Variants in STXBP4 observed in about 807,000 individuals in gnomAD.
STXBP4 encodes syntaxin-binding protein 4.
In STXBP4, 55 loss-of-function variants were observed where a neutral mutation model predicts 76.1. The ratio of observed to expected loss-of-function variants is 0.72; its 90% confidence interval spans 0.58 to 0.91. The LOEUF (loss-of-function observed/expected upper bound fraction) is 0.91. Ranked by LOEUF, STXBP4 falls within the 40% of genes least tolerant of loss-of-function variation. STXBP4 has a pLI of 0.00. For synonymous variants in STXBP4, 201 were observed against 220.2 expected (o/e 0.91, Z 0.77); for missense variants, 618 against 636.9 (o/e 0.97, Z 0.32).
intron 1 of STXBP4, among the ~76,000 whole-genome samples, chr17:54,976,385 C>A (rs2077474077): frequency 6.6e-6 from 1 of 152,220 alleles, no homozygotes. Flanking sequence ...GAAATTGATT[C>A]TCCCATTGTT....
At chr17:55,202,011 T>A in the STXBP4 span, among the ~76,000 whole-genome samples, 1 of 152,342 alleles carries the variant, frequency 6.6e-6, no homozygotes, top group South Asian at 2.1e-4. Flanking sequence ...CCTTTTCTCT[T>A]GTCCTTTATT....
intron 6 of STXBP4, 98 bp downstream of exon 6, chr17:54,999,940 A>G (rs1420219418): frequency 8.1e-6 from 7 of 862,870 alleles, no homozygotes; most frequent in East Asian, 2.8e-5. Flanking sequence ...TTTCAGTAAA[A>G]TTGTTAACAA....
the STXBP4 span, among the ~76,000 whole-genome samples, chr17:55,201,904 T>C: frequency 5.3e-5 from 8 of 152,242 alleles, no homozygotes; most frequent in Admixed American, 3.3e-4. Flanking sequence ...TACTTCATAA[T>C]GTTAAGAGTG....
chr17:55,107,064 A>G (rs2079643922), intron 16 of STXBP4, among the ~76,000 whole-genome samples: 2 of 152,196 alleles, frequency 1.3e-5, no homozygotes, highest in African/African-American at 4.8e-5. Flanking sequence ...TGTCACTTTC[A>G]GGTACACCAA....
chr17:54,992,419 A>G (rs2077732266), intron 4 of STXBP4, among the ~76,000 whole-genome samples: 3 of 151,876 alleles, frequency 2.0e-5, no homozygotes. Flanking sequence ...TGTCTCAAAA[A>G]AAAAAAAAAA....
At chr17:55,031,334 T>C in intron 9 of STXBP4, 70 bp downstream of exon 9, 2 of 1,217,324 alleles carry the variant, frequency 1.6e-6, no homozygotes, top group Non-Finnish European at 2.4e-6. Flanking sequence ...CACATTTTCA[T>C]TAAGAGTGTT....
chr17:55,092,973 GTTTTTTGT>G (rs1474974728), intron 16 of STXBP4, among the ~76,000 whole-genome samples: 1 of 75,112 alleles, frequency 1.3e-5, no homozygotes, highest in Admixed American at 1.2e-4. Context: ...CATTTTTTTT[GTTTTTTGT>G]TTTTTGTTTG....
Position 55,000,894 on chromosome 17 carries a change from A to T in STXBP4, c.574+11A>T, listed in dbSNP as rs1040372405. ...GTTTGTCTAATACAGGTAAATACAC[A>T]TTTAATTTCTATTTCCTGTTTTTTA... On this transcript the variant is annotated intron_variant, in intron 7 of 17. Coordinates refer to ENST00000376352, the MANE Select transcript of STXBP4 (RefSeq NM_178509.6). 3 of 1,517,408 alleles carry T rather than the reference A, an allele frequency of 2.0e-6. No homozygotes were observed. The highest frequency in any genetic ancestry group is 1.4e-5 in the African/African-American group (1 of 72,646). The allele number at this position is 1,517,408 out of a possible 1,614,324, so 94.0% of individuals were successfully genotyped here.
At chr17:55,113,635 A>C (rs917577758) in intron 16 of STXBP4, among the ~76,000 whole-genome samples, 2 of 147,124 alleles carry the variant, frequency 1.4e-5, no homozygotes, top group Non-Finnish European at 3.1e-5. Flanking sequence ...CTGCTGATAT[A>C]AAAAAAAAGT....
intron 8 of STXBP4, among the ~76,000 whole-genome samples, chr17:55,016,103 AC>A (rs772775292): frequency 2.0e-5 from 3 of 152,172 alleles, no homozygotes; most frequent in Non-Finnish European, 4.4e-5. Flanking sequence ...TGGAAAAAGA[AC>A]AGGGATGCCA....
At position 55,165,404 on chromosome 17, in the gene STXBP4, T is replaced by A. The variant is rs16955704; in HGVS notation, c.*5493T>A. 0.019 allele frequency: 2,871 copies of A among 152,302 alleles called. 71 individuals are homozygous for A. Among genetic ancestry groups the A allele is most frequent in the African/African-American group, 0.052 (2,180 of 41,560 alleles). 9.4% of individuals were successfully genotyped at this position (152,302 alleles called of 1,614,324 possible). A position where few individuals can be genotyped will look rare whatever the true frequency, so the allele number is the denominator to read the frequency against. On this transcript the variant is annotated 3_prime_UTR_variant, in exon 18 of 18. Transcript: ENST00000376352. Reference sequence around the variant, plus strand: ...CTAGAATGGAAATGATTATGTGGTATGTTTAGGCAGTGGGACCTTGGACAA... The same window carrying A: ...CTAGAATGGAAATGATTATGTGGTAAGTTTAGGCAGTGGGACCTTGGACAA...
At chr17:54,984,374 G>T (rs1460404414) in intron 1 of STXBP4, among the ~76,000 whole-genome samples, 1 of 135,070 alleles carries the variant, frequency 7.4e-6, no homozygotes, top group Non-Finnish European at 1.5e-5. Flanking sequence ...ACGGAGTCTG[G>T]CTCTGTCGCC....
chr17:54,976,619 G>T (rs2077478039), intron 1 of STXBP4, among the ~76,000 whole-genome samples: 1 of 152,180 alleles, frequency 6.6e-6, no homozygotes, highest in South Asian at 2.1e-4. Context: ...CGGCCAGACG[G>T]CAGGAGGTGA....
the STXBP4 span, among the ~76,000 whole-genome samples, chr17:55,197,888 G>A: frequency 3.9e-5 from 6 of 152,232 alleles, no homozygotes; most frequent in African/African-American, 1.2e-4. Flanking sequence ...TGTTACCGGG[G>A]CAGGGAGGGT....
intron 16 of STXBP4, among the ~76,000 whole-genome samples, chr17:55,135,819 CGTT>C (rs1158935031): frequency 3.9e-5 from 6 of 151,918 alleles, no homozygotes; most frequent in African/African-American, 1.4e-4. Flanking sequence ...CAAATTGAGA[CGTT>C]GGGAATCTAG....
In STXBP4 at chr17:55,161,178, A is replaced by G. The variant is rs1221089011; in HGVS notation, c.*1267A>G. 1.3e-5 allele frequency: 2 copies of G among 152,204 alleles called. No homozygotes were observed. Among genetic ancestry groups the G allele is most frequent in the African/African-American group, 4.8e-5 (2 of 41,444 alleles). The allele number at this position is 152,204 out of a possible 1,614,324, so 9.4% of individuals were successfully genotyped here. A position where few individuals can be genotyped will look rare whatever the true frequency, so the allele number is the denominator to read the frequency against. ...TATAATACAGATTTATATGGTAAAG[A>G]TATACATATACATTGTGCTCAACTA... is the stretch of plus-strand genomic sequence containing the variant. On this transcript the variant is annotated 3_prime_UTR_variant, in exon 18 of 18. Transcript: ENST00000376352.
At chr17:55,083,675 G>A (rs1319426281) in intron 16 of STXBP4, among the ~76,000 whole-genome samples, 1 of 152,112 alleles carries the variant, frequency 6.6e-6, no homozygotes, top group African/African-American at 2.4e-5. Context: ...CATCTAAGAT[G>A]GGAGCTCATC....
chr17:55,113,388 G>T (rs1480388603), intron 16 of STXBP4, among the ~76,000 whole-genome samples: 1 of 151,838 alleles, frequency 6.6e-6, no homozygotes, highest in Non-Finnish European at 1.5e-5. Context: ...TGAATTAAAA[G>T]AAAAAAGGTA....
chr17:55,153,544 A>G (rs2080238966), intron 17 of STXBP4, among the ~76,000 whole-genome samples: 1 of 140,674 alleles, frequency 7.1e-6, no homozygotes, highest in African/African-American at 2.8e-5. Context: ...TAACATTAGA[A>G]TCATATAAAT....
Sources: allele counts gnomAD v4.1 joint callset (sites outside exome capture counted in the v4.1 genomes callset), GRCh38; gene constraint gnomAD v4.1.1; transcripts MANE v1.5; gene names NCBI Gene and HGNC (gene_info 2026-07-23, HGNC 2026-07-21).